CAST: variants seen among roughly 807,000 people sequenced by gnomAD.
The protein encoded by CAST is MIR583 host.
In CAST, 76 loss-of-function variants were observed where a neutral mutation model predicts 119.6. The ratio of observed to expected loss-of-function variants is 0.64; its 90% CI spans 0.53 to 0.77. The LOEUF is 0.77. Among genes scored for constraint, CAST ranks in the 30% least tolerant of loss-of-function variants. CAST has a pLI of 0.00. For synonymous variants in CAST, 319 were observed against 331.6 expected, an observed-to-expected ratio of 0.96 and a Z score of 0.41; for missense variants, 953 against 946.5, an observed-to-expected ratio of 1.01 and a Z score of -0.09.
chr5:96,747,421 TA>T (rs1764004010), intron 18 of CAST, 29 bp downstream of exon 18: 1 of 1,377,838 alleles, frequency 7.3e-7, no homozygotes, highest in Non-Finnish European at 1.0e-6. Flanking sequence ...TTCTGATACT[TA>T]AAGAACAATA....
chr5:96,552,055 G>A (rs1268176986), intron 1 of CAST, among the ~76,000 whole-genome samples: 4 of 152,112 alleles, frequency 2.6e-5, no homozygotes, highest in African/African-American at 9.7e-5. Context: ...ACTCAGCTCT[G>A]AGCCAAGCAG....
At chr5:96,174,081 A>G in the CAST span, among the ~76,000 whole-genome samples, 2 of 152,146 alleles carry the variant, frequency 1.3e-5, no homozygotes, top group South Asian at 2.1e-4. Flanking sequence ...TAAGTGACAC[A>G]TGAGTCTTGA....
chr5:96,393,487 G>A, the CAST span: 1 of 1,261,874 alleles, frequency 7.9e-7, no homozygotes, highest in Non-Finnish European at 1.1e-6. Flanking sequence ...GAGAGGCAAT[G>A]AGGGGAGGGG....
At chr5:96,739,089 G>A (rs181425036) in intron 11 of CAST, among the ~76,000 whole-genome samples, 2 of 152,282 alleles carry the variant, frequency 1.3e-5, no homozygotes, top group Admixed American at 6.5e-5. Context: ...CAATAAGCAA[G>A]TAAAATGAAA....
At chr5:96,412,739 A>G in the CAST span, among the ~76,000 whole-genome samples, 1 of 118,708 alleles carries the variant, frequency 8.4e-6, no homozygotes, top group Non-Finnish European at 1.5e-5. Context: ...TGCACTGTGT[A>G]GGCAGCTGTG....
At chr5:96,762,443 T>A in intron 25 of CAST, 71 bp downstream of exon 25, 1 of 1,082,040 alleles carries the variant, frequency 9.2e-7, no homozygotes, top group Non-Finnish European at 1.3e-6. Context: ...ATAGGGCGCC[T>A]GTTTAAAGCA....
chr5:96,609,191 G>T (rs1029827161), intron 1 of CAST, among the ~76,000 whole-genome samples: 24 of 152,106 alleles, frequency 1.6e-4, no homozygotes, highest in African/African-American at 5.8e-4. Context: ...ACCTCCTTGA[G>T]TATTCACATA....
chr5:96,139,980 CAAAAG>C, the CAST span, among the ~76,000 whole-genome samples: 1 of 152,210 alleles, frequency 6.6e-6, no homozygotes, highest in South Asian at 2.1e-4. Context: ...TACTAGTACA[CAAAAG>C]AAAAGTCTTA....
At chr5:96,161,540 T>C in the CAST span, among the ~76,000 whole-genome samples, 11 of 152,184 alleles carry the variant, frequency 7.2e-5, no homozygotes, top group Non-Finnish European at 1.3e-4. Flanking sequence ...TGTAACGTTA[T>C]AGTAAATTTT....
chr5:95,961,539 CCTCT>C, the CAST span: 1 of 1,530,188 alleles, frequency 6.5e-7, no homozygotes, highest in Non-Finnish European at 8.8e-7. Context: ...GTGCGCTCTG[CCTCT>C]CTGAGCCCAG....
At chr5:96,730,759 C>T (rs1211240485) in intron 8 of CAST, 21 bp from the exon 9 acceptor site, 7 of 1,592,914 alleles carry the variant, frequency 4.4e-6, no homozygotes, top group African/African-American at 1.3e-5. Context: ...CTCTGTCAAC[C>T]TTTTATCCTC....
chr5:96,102,279 G>A, the CAST span, among the ~76,000 whole-genome samples: 1 of 152,230 alleles, frequency 6.6e-6, no homozygotes, highest in East Asian at 1.9e-4. Context: ...AAGGGAGCAG[G>A]AGAGGGGACA....
chr5:96,221,877 C>T, the CAST span, among the ~76,000 whole-genome samples: 1 of 152,066 alleles, frequency 6.6e-6, no homozygotes, highest in Non-Finnish European at 1.5e-5. Context: ...GCTATAGTAA[C>T]CAAAACAGCA....
the CAST span, among the ~76,000 whole-genome samples, chr5:96,486,301 A>G: frequency 2.0e-5 from 3 of 152,148 alleles, no homozygotes; most frequent in South Asian, 4.1e-4. Context: ...ATCTTTCCCA[A>G]TGCAGGAGTA....
intron 1 of CAST, among the ~76,000 whole-genome samples, chr5:96,536,829 T>A (rs1745824411): frequency 1.1e-5 from 1 of 92,256 alleles, no homozygotes. Context: ...TTTGTAACAG[T>A]ATAAATTTTT....
the CAST span, among the ~76,000 whole-genome samples, chr5:96,081,011 G>A: frequency 6.6e-6 from 1 of 152,154 alleles, no homozygotes; most frequent in East Asian, 1.9e-4. Flanking sequence ...TTCTTGGATT[G>A]TAAGTTTCAA....
At chr5:96,198,755 C>T in the CAST span, among the ~76,000 whole-genome samples, 42 of 152,218 alleles carry the variant, frequency 2.8e-4, no homozygotes, top group African/African-American at 9.4e-4. Flanking sequence ...AGGGCTCAGA[C>T]GTGGAGTGAG....
At chr5:96,512,792 A>T in the CAST span, among the ~76,000 whole-genome samples, 1 of 152,242 alleles carries the variant, frequency 6.6e-6, no homozygotes, top group East Asian at 1.9e-4. Flanking sequence ...AATATCAGTA[A>T]TTAAATCTTT....
At chr5:96,200,219 T>A in the CAST span, among the ~76,000 whole-genome samples, 1 of 152,118 alleles carries the variant, frequency 6.6e-6, no homozygotes, top group Non-Finnish European at 1.5e-5. Context: ...CTCCTTTCTC[T>A]ATTATTATCC....
Sources: gnomAD v4.1 joint callset for allele counts (sites outside exome capture counted in the v4.1 genomes callset) on GRCh38, gnomAD v4.1.1 for gene constraint, MANE v1.5 for transcripts, NCBI Gene and HGNC (gene_info 2026-07-23, HGNC 2026-07-21) for gene names.